FYB2: variants seen among roughly 807,000 people sequenced by gnomAD.
FYB2 encodes FYN binding protein 2.
In FYB2, 103 loss-of-function variants were observed where a neutral mutation model predicts 94.1. The ratio of observed to expected loss-of-function variants is 1.09; its 90% CI spans 0.93 to 1.29. The LOEUF is 1.29. Among genes scored for constraint, FYB2 ranks in the 50% most tolerant of loss-of-function variants. The probability of loss-of-function intolerance (pLI) is 0.00; values close to 1 mark genes in which losing one functional copy is unlikely to be tolerated. For synonymous variants in FYB2, 293 were observed against 287.9 expected (o/e 1.02, Z -0.18); for missense variants, 896 against 841.5 (o/e 1.06, Z -0.80).
intron 1 of FYB2, among the ~76,000 whole-genome samples, chr1:56,808,368 C>G (rs1039610918): frequency 1.3e-5 from 2 of 152,136 alleles, no homozygotes; most frequent in African/African-American, 2.4e-5. Context: ...GTTTGAAAGA[C>G]CCTTTATCTG....
At chr1:56,810,185 C>T (rs1324252458) in intron 1 of FYB2, among the ~76,000 whole-genome samples, 5 of 152,118 alleles carry the variant, frequency 3.3e-5, no homozygotes, top group Non-Finnish European at 7.4e-5. Context: ...AATTAATCAA[C>T]CTGATGGTTT....
intron 17 of FYB2, among the ~76,000 whole-genome samples, chr1:56,721,665 C>A (rs898882676): frequency 2.0e-5 from 3 of 151,984 alleles, no homozygotes; most frequent in African/African-American, 7.2e-5. Context: ...ACTGTCATTC[C>A]CCATCCCTCT....
chr1:56,794,378 AAT>A (rs1255439142), intron 1 of FYB2, among the ~76,000 whole-genome samples: 1 of 152,202 alleles, frequency 6.6e-6, no homozygotes, highest in Admixed American at 6.5e-5. Flanking sequence ...GAAGTAGGAC[AAT>A]GTCTAATGGA....
intron 1 of FYB2, among the ~76,000 whole-genome samples, chr1:56,814,994 C>A (rs1204194691): frequency 2.0e-5 from 3 of 152,122 alleles, no homozygotes; most frequent in African/African-American, 7.2e-5. Context: ...TTAGTTGGAC[C>A]TCCCATCTTA....
intron 1 of FYB2, among the ~76,000 whole-genome samples, chr1:56,802,564 C>T (rs890977366): frequency 1.3e-5 from 2 of 152,084 alleles, no homozygotes; most frequent in Non-Finnish European, 2.9e-5. Flanking sequence ...GGAGGTGTGC[C>T]GTTCCATTGT....
At chr1:56,773,037 T>C (rs769151628) in intron 4 of FYB2, among the ~76,000 whole-genome samples, 2 of 152,178 alleles carry the variant, frequency 1.3e-5, no homozygotes, top group African/African-American at 4.8e-5. Context: ...TTCGACATTA[T>C]CTATGTTCAA....
At chr1:56,731,941 C>T (rs778285971) in intron 15 of FYB2, 1 of 152,112 alleles carries the variant, frequency 6.6e-6, no homozygotes, top group African/African-American at 2.4e-5. Context: ...TGGATGCCCA[C>T]TCTCTCCATT....
At chr1:56,760,273 C>T (rs1645460245) in intron 5 of FYB2, among the ~76,000 whole-genome samples, 1 of 152,028 alleles carries the variant, frequency 6.6e-6, no homozygotes, top group African/African-American at 2.4e-5. Context: ...TTTCTTGCTG[C>T]TAAAGTCCTG....
At chr1:56,753,064 G>T (rs1569997413) in intron 8 of FYB2, among the ~76,000 whole-genome samples, 1 of 151,998 alleles carries the variant, frequency 6.6e-6, no homozygotes, top group East Asian at 1.9e-4. Flanking sequence ...CCAACCTCTG[G>T]ACCTACATGC....
intron 15 of FYB2, among the ~76,000 whole-genome samples, chr1:56,730,426 G>T: frequency 7.6e-6 from 1 of 131,450 alleles, no homozygotes. Context: ...AGGGAGGGGA[G>T]GGGGAGAGGG....
intron 2 of FYB2, 34 bp downstream of exon 2, chr1:56,792,022 C>G: frequency 6.5e-7 from 1 of 1,532,804 alleles, no homozygotes; most frequent in Non-Finnish European, 8.7e-7. Flanking sequence ...TGACACCTCC[C>G]TAGCCCCTGT....
chr1:56,794,068 A>T, intron 1 of FYB2, among the ~76,000 whole-genome samples: 1 of 152,320 alleles, frequency 6.6e-6, no homozygotes, highest in South Asian at 2.1e-4. Context: ...TGATAAAGAA[A>T]AGTTCTTTAT....
intron 1 of FYB2, among the ~76,000 whole-genome samples, chr1:56,811,437 C>G (rs1646764441): frequency 6.6e-6 from 1 of 152,166 alleles, no homozygotes; most frequent in Non-Finnish European, 1.5e-5. Flanking sequence ...ATTCCAGGGG[C>G]TAATCTTGAA....
At chr1:56,737,820 G>T (rs1259964053) in intron 14 of FYB2, among the ~76,000 whole-genome samples, 3 of 151,910 alleles carry the variant, frequency 2.0e-5, no homozygotes, top group Non-Finnish European at 4.4e-5. Flanking sequence ...TTCAAATGTG[G>T]GTGGGGATAC....
intron 5 of FYB2, among the ~76,000 whole-genome samples, chr1:56,760,325 GC>G (rs1218024483): frequency 1.3e-5 from 2 of 152,172 alleles, no homozygotes; most frequent in Middle Eastern, 3.4e-3. Context: ...GCATTTCCAA[GC>G]TTTTATTATT....
chr1:56,728,218 C>G (rs1644625200), intron 15 of FYB2, among the ~76,000 whole-genome samples: 1 of 152,098 alleles, frequency 6.6e-6, no homozygotes, highest in African/African-American at 2.4e-5. Flanking sequence ...TCCCTTTTCT[C>G]TCATCTTCTT....
At chr1:56,761,468 G>A (rs1645492733) in intron 5 of FYB2, among the ~76,000 whole-genome samples, 1 of 152,188 alleles carries the variant, frequency 6.6e-6, no homozygotes, top group African/African-American at 2.4e-5. Flanking sequence ...TTATGCAGAA[G>A]TGTAAACACA....
chr1:56,742,283 T>A, intron 11 of FYB2, 62 bp from the exon 12 acceptor site: 1 of 1,291,656 alleles, frequency 7.7e-7, no homozygotes, highest in Non-Finnish European at 1.1e-6. Context: ...GATTCATATT[T>A]AACAAAAAGT....
chr1:56,765,339 T>C (rs1205769837), intron 5 of FYB2, among the ~76,000 whole-genome samples: 3 of 151,960 alleles, frequency 2.0e-5, no homozygotes, highest in Non-Finnish European at 4.4e-5. Context: ...GGAAGGGGAG[T>C]GAAAGTCAAA....
Sources: gnomAD v4.1 joint callset for allele counts (sites outside exome capture counted in the v4.1 genomes callset) on GRCh38, gnomAD v4.1.1 for gene constraint, MANE v1.5 for transcripts, NCBI Gene and HGNC (gene_info 2026-07-23, HGNC 2026-07-21) for gene names.